Variants in ARHGAP24 observed in about 807,000 individuals in gnomAD.
ARHGAP24 encodes the protein Rho GTPase activating protein 24.
A neutral mutation model predicts 76.4 loss-of-function variants in ARHGAP24; 50 were observed. That is an observed-to-expected ratio of 0.65 (90% CI 0.52 to 0.83). ARHGAP24 has a LOEUF of 0.83. Ranked by LOEUF, ARHGAP24 falls within the 40% of genes least tolerant of loss-of-function variation. ARHGAP24 has a pLI of 0.00. For missense variants in ARHGAP24, 930 were observed against 914.2 expected (o/e 1.02, Z -0.22); for synonymous variants, 345 against 323.3 (o/e 1.07, Z -0.72).
intron 5 of ARHGAP24, 109 bp downstream of exon 5, chr4:85,942,382 A>G (rs905784378): frequency 1.5e-6 from 2 of 1,297,956 alleles, no homozygotes; most frequent in African/African-American, 2.9e-5. Context: ...AACAGTTTAC[A>G]ACATAGATTA....
intron 3 of ARHGAP24, among the ~76,000 whole-genome samples, chr4:85,844,346 C>G (rs1364645305): frequency 6.6e-6 from 1 of 152,180 alleles, no homozygotes; most frequent in East Asian, 1.9e-4. Context: ...AGCTCTGTAG[C>G]CTACATATTA....
intron 3 of ARHGAP24, among the ~76,000 whole-genome samples, chr4:85,889,420 A>G (rs11730767): frequency 0.81 from 122,227 of 151,666 alleles, 49,971 homozygotes; most frequent in Non-Finnish European, 0.89. Context: ...ATTAAATAAC[A>G]TATTTAGGGA....
intron 3 of ARHGAP24, chr4:85,778,835 A>C: frequency 3.0e-6 from 3 of 985,464 alleles, no homozygotes; most frequent in Non-Finnish European, 3.6e-6. Flanking sequence ...GTTTGTGTCC[A>C]AACAGCATTT....
chr4:85,800,579 G>A (rs185997413), intron 3 of ARHGAP24, among the ~76,000 whole-genome samples: 4 of 150,886 alleles, frequency 2.7e-5, no homozygotes, highest in Middle Eastern at 3.5e-3. Context: ...AGAAGGAAAG[G>A]AGGAAGAGAA....
At chr4:85,535,640 A>G (rs1725438708) in intron 1 of ARHGAP24, among the ~76,000 whole-genome samples, 1 of 152,148 alleles carries the variant, frequency 6.6e-6, no homozygotes, top group African/African-American at 2.4e-5. Flanking sequence ...TTGGCCATCA[A>G]ATTCTTCTCA....
chr4:85,475,987 T>C (rs973420893), intron 1 of ARHGAP24, among the ~76,000 whole-genome samples: 2 of 150,830 alleles, frequency 1.3e-5, no homozygotes, highest in Non-Finnish European at 3.0e-5. Context: ...CAAAGATAGG[T>C]TTTAATAATA....
At chr4:85,658,926 G>C (rs1722278568) in intron 2 of ARHGAP24, among the ~76,000 whole-genome samples, 1 of 152,198 alleles carries the variant, frequency 6.6e-6, no homozygotes, top group African/African-American at 2.4e-5. Flanking sequence ...TTTTCAGTCT[G>C]TTCTGAAGCA....
At chr4:85,637,268 C>CA (rs971564631) in intron 2 of ARHGAP24, among the ~76,000 whole-genome samples, 10 of 152,140 alleles carry the variant, frequency 6.6e-5, no homozygotes, top group Non-Finnish European at 1.2e-4. Context: ...GATCCTCTAA[C>CA]AAAAAAGCTG....
chr4:85,571,821 C>G (rs182130170), intron 2 of ARHGAP24, among the ~76,000 whole-genome samples: 29 of 152,208 alleles, frequency 1.9e-4, no homozygotes, highest in African/African-American at 6.7e-4. Flanking sequence ...GTATTGTTAA[C>G]TCTCTTTGTG....
intron 3 of ARHGAP24, among the ~76,000 whole-genome samples, chr4:85,907,234 C>T (rs1734817748): frequency 6.6e-6 from 1 of 152,100 alleles, no homozygotes; most frequent in Non-Finnish European, 1.5e-5. Context: ...GAAAACCCTC[C>T]TGTGGTCAGC....
At chr4:85,521,137 C>A (rs1197695557) in intron 1 of ARHGAP24, among the ~76,000 whole-genome samples, 2 of 152,072 alleles carry the variant, frequency 1.3e-5, no homozygotes, top group African/African-American at 4.8e-5. Flanking sequence ...TCAATGATGC[C>A]CAGTTAAATG....
At chr4:85,494,154 TTTTCTTTA>T (rs1257881020) in intron 1 of ARHGAP24, among the ~76,000 whole-genome samples, 1 of 152,198 alleles carries the variant, frequency 6.6e-6, no homozygotes, top group Non-Finnish European at 1.5e-5. Flanking sequence ...GTTTTCTTTT[TTTTCTTTA>T]TTTCTTCTAA....
At chr4:85,993,285 C>CA (rs1740445171) in intron 8 of ARHGAP24, among the ~76,000 whole-genome samples, 2 of 152,236 alleles carry the variant, frequency 1.3e-5, no homozygotes, top group East Asian at 3.9e-4. Context: ...GTTTATAATG[C>CA]AAAATCTCAT....
intron 2 of ARHGAP24, among the ~76,000 whole-genome samples, chr4:85,688,107 CT>C (rs1289148331): frequency 6.6e-6 from 1 of 152,132 alleles, no homozygotes; most frequent in Non-Finnish European, 1.5e-5. Flanking sequence ...GCCACCGCAC[CT>C]GGCCGGTGGT....
At chr4:85,696,435 C>A (rs192112310) in intron 2 of ARHGAP24, among the ~76,000 whole-genome samples, 1 of 152,094 alleles carries the variant, frequency 6.6e-6, no homozygotes, top group Non-Finnish European at 1.5e-5. Flanking sequence ...TTTTTACCAT[C>A]AGAATAAGGA....
chr4:85,830,736 G>A (rs963753935), intron 3 of ARHGAP24, among the ~76,000 whole-genome samples: 1 of 152,194 alleles, frequency 6.6e-6, no homozygotes, highest in Admixed American at 6.5e-5. Flanking sequence ...GAAACCTGGA[G>A]AGCAGGGTAC....
chr4:85,951,978 TAA>T (rs72016960), intron 5 of ARHGAP24, among the ~76,000 whole-genome samples: 53,924 of 151,788 alleles, frequency 0.36, 9,740 homozygotes, highest in East Asian at 0.53. Context: ...TTTAATACCA[TAA>T]AGTTATTAAG....
chr4:85,861,026 A>T (rs950903697), intron 3 of ARHGAP24, among the ~76,000 whole-genome samples: 11 of 151,394 alleles, frequency 7.3e-5, no homozygotes, highest in African/African-American at 2.4e-4. Context: ...ACACACACAC[A>T]CACTCTTTCA....
chr4:85,687,122 GGATA>G (rs530143413), intron 2 of ARHGAP24, among the ~76,000 whole-genome samples: 118 of 151,860 alleles, frequency 7.8e-4, no homozygotes, highest in Middle Eastern at 3.4e-3. Context: ...GATGATGGAT[GGATA>G]GATAGATAAT....
Sources: gnomAD v4.1 joint callset for allele counts (sites outside exome capture counted in the v4.1 genomes callset) on GRCh38, gnomAD v4.1.1 for gene constraint, MANE v1.5 for transcripts, NCBI Gene and HGNC (gene_info 2026-07-23, HGNC 2026-07-21) for gene names.